SPARC: variants seen among roughly 807,000 people sequenced by gnomAD.
SPARC encodes secreted protein acidic and cysteine rich, also known as basement-membrane protein 40.
In SPARC, 23 loss-of-function variants were observed where a neutral mutation model predicts 37.7. The observed-to-expected ratio is 0.61, with a 90% CI of 0.44 to 0.87. The LOEUF (loss-of-function observed/expected upper bound fraction) is 0.87, where lower values mean the gene tolerates loss of function less well. SPARC is among the 40% of genes least tolerant of loss of function. The pLI is 0.00. For synonymous variants in SPARC, 155 were observed against 150.8 expected (o/e 1.03, Z -0.20); for missense variants, 312 against 389.0 (o/e 0.80, Z 1.66).
chr5:151,669,611 G>A, intron 6 of SPARC, 53 bp downstream of exon 6: 1 of 1,593,814 alleles, frequency 6.3e-7, no homozygotes, highest in Non-Finnish European at 8.6e-7. Flanking sequence ...ATCAGTGCCA[G>A]CTCAGAGCTC....
chr5:151,676,815 G>C (rs1312781259), intron 1 of SPARC: 1 of 152,076 alleles, frequency 6.6e-6, no homozygotes, highest in Non-Finnish European at 1.5e-5. Context: ...TCTGCAATGG[G>C]AGAAGTTAAT....
Position 151,666,445 on chromosome 5 carries a change from G to T in SPARC, c.650C>A (p.Ala217Asp), listed in dbSNP as rs765061179. Residue 217 changes from alanine to aspartate, a missense_variant, in exon 8 of 10, where the codon GCC becomes GAC. By Grantham distance (126) the Ala-to-Asp change is moderately radical (BLOSUM62 -2). Transcript: ENST00000231061. ...GTTATAGTTCTTCTCGAAGTCCCGGGCCAGCAGCTCCACGGGGTGGTCTCC... is the reference window on the plus strand; with the variant it reads ...GTTATAGTTCTTCTCGAAGTCCCGGTCCAGCAGCTCCACGGGGTGGTCTCC... ...EAGDHPVELLARDFEKNYNMY... is the reference protein window; with the variant it reads ...EAGDHPVELLDRDFEKNYNMY... The T allele has an allele frequency of 1.2e-6, 2 of 1,614,138 alleles. No individual in the cohort carries two copies. Among genetic ancestry groups the T allele is most frequent in the South Asian group, 2.2e-5 (2 of 91,078 alleles).
In SPARC at chr5:151,672,813, C is replaced by T. The variant is rs1330640232; in HGVS notation, c.208+316G>A. 7 of 357,660 alleles carry T rather than the reference C, an allele frequency of 2.0e-5. 1 individual carries two copies. The highest frequency in any genetic ancestry group is 1.7e-4 in the South Asian group (5 of 28,944). The allele number at this position is 357,660 out of a possible 1,614,324, so 22.2% of individuals were successfully genotyped here. ...GATTTCGGTGACCAGATGTGATCAG[C>T]GACCTCCGTGGGACTGGGAAACTCA... is the stretch of plus-strand genomic sequence containing the variant. On this transcript the variant is annotated intron_variant, in intron 4 of 9. Coordinates refer to ENST00000231061, the MANE Select transcript of SPARC (RefSeq NM_003118.4).
At chr5:151,672,976 C>A (rs2304050) in intron 4 of SPARC, 153 bp downstream of exon 4, 14 of 657,668 alleles carry the variant, frequency 2.1e-5, no homozygotes, top group East Asian at 1.6e-4. Flanking sequence ...CAGTTTCCCA[C>A]TTGTTAAGTC....
intron 7 of SPARC, among the ~76,000 whole-genome samples, chr5:151,666,951 G>A (rs1369680744): frequency 2.0e-5 from 3 of 152,184 alleles, no homozygotes; most frequent in Non-Finnish European, 4.4e-5. Flanking sequence ...TTGAACCCAG[G>A]AGGTGGAGGT....
intron 8 of SPARC, 62 bp downstream of exon 8, chr5:151,666,299 T>C: frequency 6.5e-7 from 1 of 1,547,566 alleles, no homozygotes; most frequent in South Asian, 1.2e-5. Flanking sequence ...AGAGGCTTTC[T>C]GGCCATAGCT....
chr5:151,661,885 A>G lies in SPARC; in HGVS notation c.*1686T>C, dbSNP rs1180544501. 6.6e-6 allele frequency: 1 copy of G among 152,220 alleles called. No homozygotes were observed. The highest frequency in any genetic ancestry group is 1.9e-4 in the East Asian group (1 of 5,206). The allele number at this position is 152,220 out of a possible 1,614,324, so 9.4% of individuals were successfully genotyped here. ...TAGTGGCTGCCGTACGGAACAGTAC[A>G]GCACTAGAATAATGCTGTGTCCTCC... On this transcript the variant is annotated 3_prime_UTR_variant, in exon 10 of 10. Coordinates refer to ENST00000231061, the MANE Select transcript of SPARC (RefSeq NM_003118.4).
At chr5:151,680,470 A>G (rs1175311824) in intron 1 of SPARC, among the ~76,000 whole-genome samples, 2 of 151,948 alleles carry the variant, frequency 1.3e-5, no homozygotes, top group Non-Finnish European at 2.9e-5. Flanking sequence ...TCCTGACCTC[A>G]AGCCATCCGC....
intron 4 of SPARC, chr5:151,672,451 T>A (rs1760768374): frequency 6.6e-6 from 1 of 152,502 alleles, no homozygotes; most frequent in East Asian, 1.9e-4. Context: ...CAGCCCCATA[T>A]GAGAGATGAG....
At position 151,662,336 on chromosome 5, in the gene SPARC, T is replaced by G. The variant is rs908457206; in HGVS notation, c.*1235A>C. 6.6e-6 allele frequency: 1 copy of G among 152,612 alleles called. No homozygotes were observed. The highest frequency in any genetic ancestry group is 2.4e-5 in the African/African-American group (1 of 41,438). The allele number at this position is 152,612 out of a possible 1,614,324, so 9.5% of individuals were successfully genotyped here. ...AAAAGCATAATGTGTTTGCAAAGGT[T>G]TGCATTTGTGTAGTCATGTGTAGAC... On this transcript the variant is annotated 3_prime_UTR_variant, in exon 10 of 10. Coordinates refer to ENST00000231061, the MANE Select transcript of SPARC (RefSeq NM_003118.4).
chr5:151,685,092 T>A (rs899464909), intron 1 of SPARC: 3 of 151,952 alleles, frequency 2.0e-5, no homozygotes, highest in Non-Finnish European at 2.9e-5. Flanking sequence ...CCTCGGAGAG[T>A]GAGTCAGGCA....
intron 4 of SPARC, 149 bp from the exon 5 acceptor site, chr5:151,671,843 T>C (rs1318283881): frequency 1.1e-5 from 10 of 942,576 alleles, no homozygotes; most frequent in Non-Finnish European, 1.6e-5. Flanking sequence ...GCTCTTGCAC[T>C]GAGCCTCACA....
chr5:151,685,420 T>A lies in SPARC; in HGVS notation c.-14+1445A>T, dbSNP rs868747687. Among the ~76,000 whole-genome samples, 511 of 107,200 alleles carry A rather than the reference T, an allele frequency of 4.8e-3. 1 individual carries two copies. Among genetic ancestry groups the A allele is most frequent in the African/African-American group, 0.015 (397 of 27,038 alleles). 70.3% of individuals were successfully genotyped at this position (107,200 alleles called of 152,430 possible). ...CTCTCTCTCTCTCTCTCCCTCTCTC[T>A]CTCACACACACACACACACACACAC... On this transcript the variant is annotated intron_variant, in intron 1 of 9. Transcript: ENST00000231061.
At chr5:151,673,808 C>T (rs566397017) in intron 3 of SPARC, among the ~76,000 whole-genome samples, 1 of 152,280 alleles carries the variant, frequency 6.6e-6, no homozygotes, top group East Asian at 1.9e-4. Context: ...GTACTCCCGA[C>T]CACCTTGGAC....
intron 5 of SPARC, 68 bp from the exon 6 acceptor site, chr5:151,669,852 T>C (rs1036905175): frequency 3.8e-6 from 6 of 1,586,530 alleles, no homozygotes; most frequent in Admixed American, 3.4e-5. Context: ...AATATCCTTG[T>C]CCATTTCAGA....
intron 1 of SPARC, among the ~76,000 whole-genome samples, chr5:151,676,787 C>G (rs755583582): frequency 1.3e-5 from 2 of 152,286 alleles, no homozygotes; most frequent in East Asian, 3.9e-4. Context: ...TCGCCTCCTC[C>G]CCCTCCTTCC....
Position 151,671,701 on chromosome 5 carries a change from G to A in SPARC, c.209-7C>T, listed in dbSNP as rs1353463986. On this transcript the variant is annotated splice_region_variant and splice_polypyrimidine_tract_variant and intron_variant, in intron 4 of 9. Transcript: ENST00000231061. ...TGGTGGTTCTGGCAGGGATCTGTAG[G>A]GCAGAAAGACAAGGGAGTTAGCATC... 4 of 1,613,416 alleles carry A rather than the reference G, an allele frequency of 2.5e-6. No individual in the cohort carries two copies. Among genetic ancestry groups the A allele is most frequent in the East Asian group, 2.2e-5 (1 of 44,818 alleles).
intron 1 of SPARC, among the ~76,000 whole-genome samples, chr5:151,683,041 T>C (rs1761032853): frequency 7.5e-6 from 1 of 132,908 alleles, no homozygotes; most frequent in Admixed American, 8.1e-5. Context: ...CACTACTTGC[T>C]GGCCCTGGCC....
At chr5:151,664,058 G>A (rs767902483) in intron 9 of SPARC, 29 bp downstream of exon 9, 8 of 1,613,690 alleles carry the variant, frequency 5.0e-6, no homozygotes, top group Non-Finnish European at 5.9e-6. Flanking sequence ...TTCTGCCCAT[G>A]CCCCTTGCTT....
Sources: allele counts gnomAD v4.1 joint callset (sites outside exome capture counted in the v4.1 genomes callset), GRCh38; gene constraint gnomAD v4.1.1; transcripts MANE v1.5; gene names NCBI Gene and HGNC (gene_info 2026-07-23, HGNC 2026-07-21).